The following DEFB131A variants were observed in gnomAD, a reference collection of about 807,000 sequenced individuals.
DEFB131A encodes defensin beta 131A, also known as beta-defensin 131A.
A neutral mutation model predicts 2.4 loss-of-function variants in DEFB131A; 5 were observed. The observed-to-expected ratio is 2.12, with a 90% CI of 1.11 to 4.47. DEFB131A has a LOEUF of 4.47. Ranked by LOEUF, DEFB131A falls within the 30% of genes most tolerant of loss-of-function variation. The pLI is 0.00. For synonymous variants in DEFB131A, 34 were observed against 25.7 expected (o/e 1.32, Z -0.97); for missense variants, 120 against 79.9 (o/e 1.50, Z -1.91).
At chr4:9,448,644 A>C (rs1236492546) in intron 1 of DEFB131A, among the ~76,000 whole-genome samples, 2 of 152,158 alleles carry the variant, frequency 1.3e-5, no homozygotes, top group African/African-American at 4.8e-5. Context: ...ATTAAGGTAA[A>C]AATACATAAT....
Position 9,444,537 on chromosome 4 carries a change from A to C in DEFB131A, c.4A>C (p.Arg2=). The C allele has an allele frequency of 6.2e-7, 1 of 1,611,670 alleles. No homozygotes were observed. The part of the protein sequence containing the change: M[R]VLFFVFGVLS... The stretch of plus-strand genomic sequence containing the variant: ...AACCTGCTTTACCTATTCAACCATG[A>C]GGGTCTTGTTTTTTGTCTTTGGAGT... The change falls in exon 1 of 2, where the codon AGG becomes CGG. Residue 2 remains arginine (R), a synonymous_variant. Transcript: ENST00000334879.
intron 1 of DEFB131A, among the ~76,000 whole-genome samples, chr4:9,448,512 C>A (rs532592339): frequency 6.6e-6 from 1 of 152,178 alleles, no homozygotes; most frequent in East Asian, 1.9e-4. Context: ...TTAGTAGAGA[C>A]TGGATTCCGC....
At chr4:9,448,793 C>T (rs1717572123) in intron 1 of DEFB131A, among the ~76,000 whole-genome samples, 2 of 152,114 alleles carry the variant, frequency 1.3e-5, no homozygotes, top group South Asian at 2.1e-4. Flanking sequence ...CAAATGTGCC[C>T]CTTCTTGCCA....
chr4:9,448,870 A>T (rs1717574499), intron 1 of DEFB131A, among the ~76,000 whole-genome samples: 2 of 152,172 alleles, frequency 1.3e-5, no homozygotes, highest in Admixed American at 1.3e-4. Flanking sequence ...AATAAATGGC[A>T]TCCAAACAGT....
intron 1 of DEFB131A, among the ~76,000 whole-genome samples, chr4:9,449,791 G>A (rs1226170312): frequency 6.6e-6 from 1 of 152,052 alleles, no homozygotes; most frequent in Non-Finnish European, 1.5e-5. Context: ...CGAATACGCT[G>A]GGAAGCTGGA....
chr4:9,450,259 A>G (rs746772942), intron 1 of DEFB131A, 101 bp from the exon 2 acceptor site: 154 of 1,261,324 alleles, frequency 1.2e-4, no homozygotes, highest in Non-Finnish European at 1.5e-4. Context: ...TTTTTCTGGG[A>G]AAGTTCTGTA....
chr4:9,449,936 A>G (rs1717611830), intron 1 of DEFB131A, among the ~76,000 whole-genome samples: 1 of 152,098 alleles, frequency 6.6e-6, no homozygotes, highest in African/African-American at 2.4e-5. Context: ...TTTTATATTT[A>G]TCCATAATCT....
Position 9,444,562 on chromosome 4 carries a change from T to A in DEFB131A, c.29T>A (p.Val10Asp), listed in dbSNP as rs775882142. MRVLFFVFG[V>D]LSLMFTVPPA... ...AGGGTCTTGTTTTTTGTCTTTGGAG[T>A]CCTTTCCTTGATGTTCACAGTTCCT... The change falls in exon 1 of 2, where the codon GTC becomes GAC. Residue 10 changes from valine to aspartate, a missense_variant. Val to Asp is a radical substitution (Grantham distance 152, BLOSUM62 -3). Coordinates refer to ENST00000334879, the MANE Select transcript of DEFB131A (RefSeq NM_001040448.3). The A allele has an allele frequency of 1.2e-6, 2 of 1,611,214 alleles. No homozygotes were observed. Among genetic ancestry groups the A allele is most frequent in the Admixed American group, 1.7e-5 (1 of 59,858 alleles).
rs770070831 is a variant in DEFB131A at position 9,444,561 on chromosome 4, G to T, written c.28G>T (p.Val10Phe). The T allele has an allele frequency of 3.1e-6, 5 of 1,610,888 alleles. No individual in the cohort carries two copies. Among genetic ancestry groups the T allele is most frequent in the Non-Finnish European group, 4.2e-6 (5 of 1,179,510 alleles). The change falls in exon 1 of 2, where the codon GTC becomes TTC. Residue 10 changes from valine to phenylalanine, a missense_variant. By Grantham distance (50) the Val-to-Phe change is conservative. Coordinates refer to ENST00000334879, the MANE Select transcript of DEFB131A (RefSeq NM_001040448.3). Reference sequence around the variant, plus strand: ...GAGGGTCTTGTTTTTTGTCTTTGGAGTCCTTTCCTTGATGTTCACAGTTCC... The same window carrying T: ...GAGGGTCTTGTTTTTTGTCTTTGGATTCCTTTCCTTGATGTTCACAGTTCC... MRVLFFVFG[V>F]LSLMFTVPPA...
chr4:9,445,802 T>C (rs573057035), intron 1 of DEFB131A, among the ~76,000 whole-genome samples: 21 of 152,268 alleles, frequency 1.4e-4, no homozygotes, highest in Admixed American at 2.6e-4. Flanking sequence ...TTCCAGAATA[T>C]GTTTATAACC....
At chr4:9,446,258 G>A (rs1717502048) in intron 1 of DEFB131A, among the ~76,000 whole-genome samples, 2 of 151,970 alleles carry the variant, frequency 1.3e-5, no homozygotes, top group South Asian at 2.1e-4. Context: ...CTAAATCTCA[G>A]GTATAAACCA....
rs1044486765 is a variant in DEFB131A at position 9,444,707 on chromosome 4, G to A, written c.58+116G>A. On this transcript the variant is annotated intron_variant, in intron 1 of 1. Transcript: ENST00000334879. ...TGGGCAGATTTTACTGTACCATGAA[G>A]GCTGCTCAGAGGATTGAAGAGTTGA... is the stretch of plus-strand genomic sequence containing the variant. 2.9e-5 allele frequency: 30 copies of A among 1,033,514 alleles called. No individual in the cohort carries two copies. In the African/African-American group the frequency reaches 4.3e-4, roughly 15 times the overall value. The allele number at this position is 1,033,514 out of a possible 1,614,324, so 64.0% of individuals were successfully genotyped here.
chr4:9,444,433 A>G lies in DEFB131A; in HGVS notation c.-101A>G. ...AATGTTCTTGCTCCTGAAAGGTTCAATAATCACTCAACAACTCACCTCTTC... is the reference window on the plus strand; with the variant it reads ...AATGTTCTTGCTCCTGAAAGGTTCAGTAATCACTCAACAACTCACCTCTTC... On this transcript the variant is annotated 5_prime_UTR_variant, in exon 1 of 2. Coordinates refer to ENST00000334879, the MANE Select transcript of DEFB131A (RefSeq NM_001040448.3). 4 of 1,351,070 alleles carry G rather than the reference A, an allele frequency of 3.0e-6. No individual in the cohort carries two copies. Among genetic ancestry groups the G allele is most frequent in the South Asian group, 1.3e-5 (1 of 76,542 alleles). 83.7% of individuals were successfully genotyped at this position (1,351,070 alleles called of 1,614,324 possible). A position where few individuals can be genotyped will look rare whatever the true frequency, so the allele number is the denominator to read the frequency against.
chr4:9,444,994 C>T (rs929939683), intron 1 of DEFB131A, among the ~76,000 whole-genome samples: 30 of 152,062 alleles, frequency 2.0e-4, no homozygotes, highest in African/African-American at 6.0e-4. Flanking sequence ...TAGGCAGGAT[C>T]GCTCGAGCCT....
intron 1 of DEFB131A, among the ~76,000 whole-genome samples, chr4:9,446,220 A>C (rs1320334429): frequency 6.6e-6 from 1 of 152,126 alleles, no homozygotes; most frequent in Admixed American, 6.6e-5. Context: ...TATGAGCCTC[A>C]GAAAAGATAA....
intron 1 of DEFB131A, among the ~76,000 whole-genome samples, chr4:9,446,142 G>A (rs1303301501): frequency 6.6e-6 from 1 of 152,036 alleles, no homozygotes; most frequent in Admixed American, 6.6e-5. Flanking sequence ...TGGAGGAAAA[G>A]TATAATTCTG....
At chr4:9,448,578 C>A (rs570334179) in intron 1 of DEFB131A, among the ~76,000 whole-genome samples, 2 of 152,142 alleles carry the variant, frequency 1.3e-5, no homozygotes, top group Admixed American at 1.3e-4. Context: ...CCCGCCTTGG[C>A]CTCCCAAAGT....
chr4:9,448,399 A>T (rs1717561247), intron 1 of DEFB131A, among the ~76,000 whole-genome samples: 1 of 152,058 alleles, frequency 6.6e-6, no homozygotes, highest in African/African-American at 2.4e-5. Flanking sequence ...CCCAGGCTGG[A>T]GTGCAGTGGC....
chr4:9,450,505 GA>G lies in DEFB131A; in HGVS notation c.206del (p.Lys69SerfsTer26), dbSNP rs1717631449. On this transcript the variant is annotated frameshift_variant, in exon 2 of 2. Coordinates refer to ENST00000334879, the MANE Select transcript of DEFB131A (RefSeq NM_001040448.3). LOFTEE classifies it high-confidence loss of function. Reference protein sequence around the residue: ...LKIIEIDGQKKW With the variant: ...LKIIEIDGQKXW ...AGATCATTGAAATTGACGGACAAAA[GA>G]AGTGGTGAAAATTCTAACTCCATCT... 1 of 1,609,050 alleles carries G rather than the reference GA, an allele frequency of 6.2e-7. No individual in the cohort carries two copies. The highest frequency in any genetic ancestry group is 1.1e-5 in the South Asian group (1 of 90,214).
Sources: allele counts gnomAD v4.1 joint callset (sites outside exome capture counted in the v4.1 genomes callset), GRCh38; gene constraint gnomAD v4.1.1; transcripts MANE v1.5; gene names NCBI Gene and HGNC (gene_info 2026-07-23, HGNC 2026-07-21).